SCFD2: variants seen among roughly 807,000 people sequenced by gnomAD.
SCFD2 encodes sec1 family domain containing 2.
SCFD2 carries 54 observed loss-of-function variants against 58.9 expected under a neutral mutation model. The observed-to-expected ratio is 0.92, with a 90% confidence interval of 0.74 to 1.15. The LOEUF (loss-of-function observed/expected upper bound fraction) is 1.15. Ranked by LOEUF, SCFD2 falls within the 50% of genes most tolerant of loss-of-function variation. The pLI is 0.00. For missense variants in SCFD2, 805 were observed against 836.6 expected (o/e 0.96, Z 0.47); for synonymous variants, 321 against 335.9 (o/e 0.96, Z 0.49).
intron 2 of SCFD2, among the ~76,000 whole-genome samples, chr4:53,348,311 C>T (rs1734117672): frequency 6.6e-6 from 1 of 152,198 alleles, no homozygotes; most frequent in African/African-American, 2.4e-5. Context: ...CCATTGCAGG[C>T]ACATTTGTTG....
intron 5 of SCFD2, among the ~76,000 whole-genome samples, chr4:52,973,850 A>G (rs963011520): frequency 6.6e-6 from 1 of 152,260 alleles, no homozygotes; most frequent in Non-Finnish European, 1.5e-5. Context: ...CATGGGATGC[A>G]AGGCTGCTTC....
intron 4 of SCFD2, among the ~76,000 whole-genome samples, chr4:53,256,690 C>G (rs1407203028): frequency 1.3e-5 from 2 of 152,032 alleles, no homozygotes; most frequent in Non-Finnish European, 2.9e-5. Flanking sequence ...GCCTGGCCAA[C>G]ACAGCAAAAC....
intron 4 of SCFD2, among the ~76,000 whole-genome samples, chr4:53,181,336 C>A (rs544036078): frequency 6.6e-6 from 1 of 152,150 alleles, no homozygotes; most frequent in Admixed American, 6.5e-5. Context: ...CCCTGGGATG[C>A]AAGGCTGGTT....
chr4:53,195,955 C>A (rs1191907424), intron 4 of SCFD2, among the ~76,000 whole-genome samples: 10 of 152,070 alleles, frequency 6.6e-5, no homozygotes, highest in Non-Finnish European at 1.5e-4. Context: ...TTCCTTTCAG[C>A]CTTTCTCATT....
intron 3 of SCFD2, among the ~76,000 whole-genome samples, chr4:53,301,151 A>G (rs554585219): frequency 5.3e-4 from 81 of 152,162 alleles, no homozygotes; most frequent in African/African-American, 1.9e-3. Context: ...AAAAATCAAT[A>G]AATCCAGGAG....
chr4:52,886,132 A>C (rs1285407015), intron 7 of SCFD2, among the ~76,000 whole-genome samples: 1 of 151,758 alleles, frequency 6.6e-6, no homozygotes, highest in African/African-American at 2.4e-5. Flanking sequence ...ATTGATCCCT[A>C]CCCTTCACCT....
At chr4:52,885,280 G>C (rs1188710529) in intron 8 of SCFD2, among the ~76,000 whole-genome samples, 2 of 152,142 alleles carry the variant, frequency 1.3e-5, no homozygotes, top group African/African-American at 4.8e-5. Flanking sequence ...AAACTCCTGA[G>C]TGATTCAACA....
At chr4:52,995,134 T>C (rs1721713374) in intron 5 of SCFD2, among the ~76,000 whole-genome samples, 1 of 152,190 alleles carries the variant, frequency 6.6e-6, no homozygotes, top group Admixed American at 6.5e-5. Context: ...AATAACTATA[T>C]AACTTACCAT....
At chr4:53,085,128 T>A (rs1417770667) in intron 5 of SCFD2, among the ~76,000 whole-genome samples, 1 of 152,154 alleles carries the variant, frequency 6.6e-6, no homozygotes, top group African/African-American at 2.4e-5. Context: ...AATCTTATAT[T>A]TGGAAAAAAC....
intron 5 of SCFD2, among the ~76,000 whole-genome samples, chr4:53,025,175 C>G (rs1050395702): frequency 2.0e-5 from 3 of 152,170 alleles, no homozygotes; most frequent in Non-Finnish European, 4.4e-5. Context: ...GTGGCCACAT[C>G]TGAAACAGAA....
chr4:53,310,022 A>G (rs566360439), intron 3 of SCFD2, among the ~76,000 whole-genome samples: 2 of 152,328 alleles, frequency 1.3e-5, no homozygotes, highest in African/African-American at 4.8e-5. Context: ...CTCCATCACA[A>G]TCAGAAGAGG....
chr4:53,112,474 C>G (rs1725200342), intron 5 of SCFD2, among the ~76,000 whole-genome samples: 1 of 152,104 alleles, frequency 6.6e-6, no homozygotes, highest in Non-Finnish European at 1.5e-5. Flanking sequence ...TAAGTCATGA[C>G]ATCTGCCATC....
intron 5 of SCFD2, among the ~76,000 whole-genome samples, chr4:52,980,518 T>C (rs1042515825): frequency 1.3e-5 from 2 of 152,150 alleles, no homozygotes; most frequent in Admixed American, 6.5e-5. Context: ...CCAAGTTAGC[T>C]CATGTTGTTA....
intron 3 of SCFD2, among the ~76,000 whole-genome samples, chr4:53,303,197 A>G (rs1732377743): frequency 6.6e-6 from 1 of 152,132 alleles, no homozygotes; most frequent in African/African-American, 2.4e-5. Context: ...TTTGCAACCT[A>G]CTCATCTGAC....
At chr4:52,881,736 G>A (rs371970859) in intron 8 of SCFD2, among the ~76,000 whole-genome samples, 7 of 152,188 alleles carry the variant, frequency 4.6e-5, no homozygotes, top group African/African-American at 1.7e-4. Context: ...TAATGTGTCA[G>A]TCAATAGGTT....
intron 2 of SCFD2, among the ~76,000 whole-genome samples, chr4:53,346,402 G>T (rs1162202143): frequency 6.6e-6 from 1 of 151,608 alleles, no homozygotes; most frequent in Non-Finnish European, 1.5e-5. Context: ...AGCCCCCCAA[G>T]TAGCTGAGAT....
intron 4 of SCFD2, among the ~76,000 whole-genome samples, chr4:53,203,954 C>A (rs1352369164): frequency 6.6e-6 from 1 of 152,118 alleles, no homozygotes; most frequent in Admixed American, 6.5e-5. Context: ...ACTGAATGTA[C>A]ACCAAAAGCT....
intron 4 of SCFD2, among the ~76,000 whole-genome samples, chr4:53,245,826 A>G (rs867223095): frequency 3.9e-5 from 6 of 152,174 alleles, no homozygotes; most frequent in Non-Finnish European, 1.5e-5. Flanking sequence ...CTCCTATTCA[A>G]CATAGTATTG....
At chr4:52,946,690 T>C (rs1319878328) in intron 5 of SCFD2, among the ~76,000 whole-genome samples, 1 of 152,188 alleles carries the variant, frequency 6.6e-6, no homozygotes. Context: ...CTAGAAAATC[T>C]TAAGAGTTAA....
Sources: allele counts gnomAD v4.1 joint callset (sites outside exome capture counted in the v4.1 genomes callset), GRCh38; gene constraint gnomAD v4.1.1; transcripts MANE v1.5; gene names NCBI Gene and HGNC (gene_info 2026-07-23, HGNC 2026-07-21).